DYM: variants seen among roughly 807,000 people sequenced by gnomAD.
DYM encodes dymeclin.
DYM carries 78 observed loss-of-function variants against 93.1 expected under a neutral mutation model. The observed-to-expected ratio is 0.84, with a 90% CI of 0.70 to 1.01. The LOEUF is 1.01. DYM is among the 50% of genes least tolerant of loss of function. DYM has a pLI of 0.00. For synonymous variants in DYM, 321 were observed against 319.7 expected (o/e 1.00, Z -0.04); for missense variants, 789 against 845.0 (o/e 0.93, Z 0.82).
At chr18:49,215,247 T>G (rs1457439500) in intron 13 of DYM, among the ~76,000 whole-genome samples, 1 of 152,202 alleles carries the variant, frequency 6.6e-6, no homozygotes, top group Non-Finnish European at 1.5e-5. Context: ...CTGATTGATA[T>G]TAAAATCTGT....
At chr18:49,315,746 G>T (rs1282006742) in intron 8 of DYM, among the ~76,000 whole-genome samples, 1 of 152,010 alleles carries the variant, frequency 6.6e-6, no homozygotes, top group African/African-American at 2.4e-5. Flanking sequence ...AAAAGCAAAT[G>T]AATCATAGTA....
intron 14 of DYM, among the ~76,000 whole-genome samples, chr18:49,168,013 TA>T (rs143841267): frequency 1.3e-5 from 2 of 151,992 alleles, no homozygotes; most frequent in African/African-American, 2.4e-5. Context: ...CAATGTTGAG[TA>T]AAAAAATAAG....
chr18:49,145,160 T>C (rs1300291890), intron 15 of DYM, among the ~76,000 whole-genome samples: 2 of 138,338 alleles, frequency 1.4e-5, no homozygotes, highest in African/African-American at 2.6e-5. Context: ...TATACAAATA[T>C]AGGTCCCCAA....
In DYM at chr18:49,363,122, A is replaced by T. The variant is rs1568319237; in HGVS notation, c.494+39T>A. 3 of 1,536,152 alleles carry T rather than the reference A, an allele frequency of 2.0e-6. No individual in the cohort carries two copies. In the South Asian group the frequency reaches 3.4e-5, roughly 17 times the overall value. ...TGATCAATGATTATCTGCCATATAC[A>T]AAGAAGATAAAACAAATCCTGGCCT... On this transcript the variant is annotated intron_variant, in intron 6 of 17. Coordinates refer to ENST00000675505, the MANE Select transcript of DYM (RefSeq NM_001353214.3).
intron 16 of DYM, among the ~76,000 whole-genome samples, chr18:49,103,553 A>G (rs899901615): frequency 1.3e-4 from 20 of 152,270 alleles, no homozygotes; most frequent in African/African-American, 3.9e-4. Flanking sequence ...TAGGTCTAAC[A>G]TGTAAGTCTT....
Position 49,042,466 on chromosome 18 carries a change from G to A in DYM, c.*1589C>T, listed in dbSNP as rs1406840090. On this transcript the variant is annotated 3_prime_UTR_variant, in exon 18 of 18. Transcript: ENST00000675505. Reference sequence around the variant, plus strand: ...CTTCCCGTGTGGAGCCCACACAGTGGTGCACTGAGAGGCTGCCAGTGTTTT... The same window carrying A: ...CTTCCCGTGTGGAGCCCACACAGTGATGCACTGAGAGGCTGCCAGTGTTTT... The A allele has an allele frequency of 2.0e-5, 3 of 152,320 alleles. No individual in the cohort carries two copies. The highest frequency in any genetic ancestry group is 3.8e-4 in the East Asian group (2 of 5,198). The allele number at this position is 152,320 out of a possible 1,614,324, so 9.4% of individuals were successfully genotyped here. A position where few individuals can be genotyped will look rare whatever the true frequency, so the allele number is the denominator to read the frequency against.
intron 8 of DYM, among the ~76,000 whole-genome samples, chr18:49,288,716 G>A (rs1191519639): frequency 1.3e-5 from 2 of 151,888 alleles, no homozygotes; most frequent in East Asian, 1.9e-4. Context: ...AGAGGCAGAG[G>A]TTGCAGTGAG....
intron 17 of DYM, among the ~76,000 whole-genome samples, chr18:49,093,978 T>G (rs1247927139): frequency 6.6e-6 from 1 of 152,260 alleles, no homozygotes; most frequent in Non-Finnish European, 1.5e-5. Flanking sequence ...TGGTAATTAC[T>G]TTTAATTCCT....
At chr18:49,187,398 C>T (rs1488204858) in intron 14 of DYM, among the ~76,000 whole-genome samples, 1 of 152,158 alleles carries the variant, frequency 6.6e-6, no homozygotes, top group Non-Finnish European at 1.5e-5. Context: ...AAATAGCACA[C>T]ATGGAAAGCT....
chr18:49,283,424 AC>A (rs2095041779), intron 9 of DYM, among the ~76,000 whole-genome samples: 1 of 151,848 alleles, frequency 6.6e-6, no homozygotes, highest in African/African-American at 2.4e-5. Flanking sequence ...CTGTTAAGAA[AC>A]TTTTTTTTTT....
At chr18:49,233,869 G>A (rs1428232094) in intron 13 of DYM, among the ~76,000 whole-genome samples, 4 of 152,148 alleles carry the variant, frequency 2.6e-5, no homozygotes, top group Admixed American at 2.6e-4. Flanking sequence ...GCTCACACCT[G>A]TAATCCCAGC....
intron 13 of DYM, among the ~76,000 whole-genome samples, chr18:49,224,113 C>T (rs1216480708): frequency 6.6e-6 from 1 of 151,900 alleles, no homozygotes; most frequent in Non-Finnish European, 1.5e-5. Context: ...TGGTTGCTGA[C>T]AAGACTTGGT....
At chr18:49,381,059 C>A (rs1257535027) in intron 3 of DYM, among the ~76,000 whole-genome samples, 1 of 151,872 alleles carries the variant, frequency 6.6e-6, no homozygotes, top group African/African-American at 2.4e-5. Context: ...AGCAGTGGTG[C>A]AATCATAGCT....
At chr18:49,457,633 G>A (rs1440243390) in intron 1 of DYM, among the ~76,000 whole-genome samples, 7 of 152,036 alleles carry the variant, frequency 4.6e-5, no homozygotes, top group Non-Finnish European at 1.0e-4. Flanking sequence ...CTTAAGTCTC[G>A]GCAAAATATT....
At chr18:49,126,416 T>G (rs2082833769) in intron 15 of DYM, 1 of 152,226 alleles carries the variant, frequency 6.6e-6, no homozygotes, top group South Asian at 2.1e-4. Context: ...ATCTTCAACT[T>G]GCTACTATGA....
Position 49,272,307 on chromosome 18 carries a change from G to A in DYM, c.1126-4C>T. 1 of 1,513,672 alleles carries A rather than the reference G, an allele frequency of 6.6e-7. No homozygotes were observed. Among genetic ancestry groups the A allele is most frequent in the Non-Finnish European group, 9.2e-7 (1 of 1,090,132 alleles). 93.8% of individuals were successfully genotyped at this position (1,513,672 alleles called of 1,614,324 possible). A position where few individuals can be genotyped will look rare whatever the true frequency, so the allele number is the denominator to read the frequency against. ...GAATCTCAAGAATTGGTAAAACCTAGAGAATAAAAATTATAATTGACTATT... is the reference window on the plus strand; with the variant it reads ...GAATCTCAAGAATTGGTAAAACCTAAAGAATAAAAATTATAATTGACTATT... On this transcript the variant is annotated splice_region_variant and splice_polypyrimidine_tract_variant and intron_variant, in intron 10 of 17. Transcript: ENST00000675505.
chr18:49,459,920 G>C (rs1405580666), intron 1 of DYM, among the ~76,000 whole-genome samples: 3 of 147,188 alleles, frequency 2.0e-5, no homozygotes, highest in Non-Finnish European at 4.5e-5. Context: ...CTTTGGGGCG[G>C]GGGGGGCGGT....
rs897574814 is a variant in DYM, at chr18:49,417,548, T to A, written c.140+12707A>T. On this transcript the variant is annotated intron_variant, in intron 2 of 17. Coordinates refer to ENST00000675505, the MANE Select transcript of DYM (RefSeq NM_001353214.3). ...ATGGTAAATCCAATTAATTTTGGTA[T>A]ATATGCCCCCCCATTAAAAAGAGTG... is the stretch of plus-strand genomic sequence containing the variant. 2.0e-5 allele frequency among the ~76,000 whole-genome samples: 3 copies of A among 149,904 alleles called. No homozygotes were observed. The East Asian group carries it at 6.4e-4, about 32-fold the overall frequency.
chr18:49,370,999 G>A (rs1040347844), intron 5 of DYM, among the ~76,000 whole-genome samples: 1 of 152,082 alleles, frequency 6.6e-6, no homozygotes, highest in Non-Finnish European at 1.5e-5. Flanking sequence ...GTAAGCAAAC[G>A]CTAAGATAGG....
Sources: gnomAD v4.1 joint callset for allele counts (sites outside exome capture counted in the v4.1 genomes callset) on GRCh38, gnomAD v4.1.1 for gene constraint, MANE v1.5 for transcripts, NCBI Gene and HGNC (gene_info 2026-07-23, HGNC 2026-07-21) for gene names.